The following TMCC1 variants were observed in gnomAD, a reference collection of about 807,000 sequenced individuals.
The protein encoded by TMCC1 is transmembrane and coiled-coil domain family 1.
Under a neutral mutation model 52.4 loss-of-function variants are expected in TMCC1, and 15 were observed. The ratio of observed to expected loss-of-function variants is 0.29; its 90% CI spans 0.19 to 0.44. TMCC1 has a LOEUF of 0.44. TMCC1 is among the 20% of genes least tolerant of loss of function. TMCC1 has a pLI of 1.00. For synonymous variants in TMCC1, 279 were observed against 301.9 expected (o/e 0.92, Z 0.79); for missense variants, 503 against 806.0 (o/e 0.62, Z 4.55).
chr3:129,810,730 C>A (rs564017117), intron 4 of TMCC1, among the ~76,000 whole-genome samples: 19 of 152,290 alleles, frequency 1.2e-4, no homozygotes, highest in Middle Eastern at 6.8e-3. Flanking sequence ...CTTATCAAAG[C>A]AATGTTTCAA....
intron 5 of TMCC1, among the ~76,000 whole-genome samples, chr3:129,656,954 G>A (rs971604061): frequency 1.3e-5 from 2 of 152,080 alleles, no homozygotes; most frequent in African/African-American, 4.8e-5. Context: ...ATGTCTTTTC[G>A]TGACTGTCCT....
At chr3:129,670,293 C>T (rs757417212) in intron 5 of TMCC1, 37 bp downstream of exon 5, 23 of 1,582,990 alleles carry the variant, frequency 1.5e-5, no homozygotes, top group Non-Finnish European at 1.9e-5. Flanking sequence ...GGGAACCCTA[C>T]ACAAATAATT....
At chr3:129,804,269 G>A (rs2057341772) in intron 4 of TMCC1, among the ~76,000 whole-genome samples, 2 of 152,178 alleles carry the variant, frequency 1.3e-5, no homozygotes, top group Non-Finnish European at 2.9e-5. Context: ...TAACTCGCCT[G>A]ATGGAAAATA....
intron 2 of TMCC1, among the ~76,000 whole-genome samples, chr3:129,852,962 T>C (rs1301612222): frequency 6.6e-6 from 1 of 152,198 alleles, no homozygotes; most frequent in African/African-American, 2.4e-5. Flanking sequence ...AGTATATTAT[T>C]AACCACTCCA....
chr3:129,779,440 T>C (rs1291902899), intron 4 of TMCC1, among the ~76,000 whole-genome samples: 1 of 152,200 alleles, frequency 6.6e-6, no homozygotes, highest in African/African-American at 2.4e-5. Context: ...ACTATTTCAC[T>C]AAAAATTCTT....
At chr3:129,801,956 T>C (rs72987339) in intron 4 of TMCC1, among the ~76,000 whole-genome samples, 14,828 of 152,272 alleles carry the variant, frequency 0.097, 852 homozygotes, top group Middle Eastern at 0.16. Flanking sequence ...CAAATAGTGT[T>C]ATTTAGTGTT....
chr3:129,763,215 T>TAAA (rs1241222354), intron 4 of TMCC1, among the ~76,000 whole-genome samples: 1 of 87,176 alleles, frequency 1.1e-5, no homozygotes, highest in Non-Finnish European at 2.3e-5. Context: ...AAAAAATAAA[T>TAAA]AAATAAATAA....
intron 4 of TMCC1, among the ~76,000 whole-genome samples, chr3:129,724,525 A>G (rs934189560): frequency 6.6e-6 from 1 of 152,196 alleles, no homozygotes; most frequent in African/African-American, 2.4e-5. Context: ...AATATTCTGG[A>G]AATACATTTT....
intron 6 of TMCC1, among the ~76,000 whole-genome samples, chr3:129,654,071 C>A (rs974031365): frequency 2.6e-5 from 4 of 152,148 alleles, no homozygotes; most frequent in African/African-American, 9.7e-5. Context: ...AAGGTCATAG[C>A]CTTCACTCAT....
At chr3:129,690,270 T>C (rs1346312157) in intron 4 of TMCC1, among the ~76,000 whole-genome samples, 1 of 152,202 alleles carries the variant, frequency 6.6e-6, no homozygotes, top group Non-Finnish European at 1.5e-5. Context: ...TGTATTCCCA[T>C]AGTAATATAT....
intron 4 of TMCC1, among the ~76,000 whole-genome samples, chr3:129,722,291 T>G (rs964893027): frequency 1.3e-5 from 2 of 152,148 alleles, no homozygotes; most frequent in Non-Finnish European, 2.9e-5. Flanking sequence ...TATTATGAAC[T>G]GCGCTTGCGA....
At position 129,762,926 on chromosome 3, in the gene TMCC1, C is replaced by T. The variant is rs138652971; in HGVS notation, c.576+64877G>A. ...TAAAAATACCATTATAGGCCGGGCG[C>T]GGTGGCTCACGCCTGTAATCCCAGC... is the stretch of plus-strand genomic sequence containing the variant. On this transcript the variant is annotated intron_variant, in intron 4 of 6. Coordinates refer to ENST00000393238, the MANE Select transcript of TMCC1 (RefSeq NM_001017395.5). Among the ~76,000 whole-genome samples, 1,506 of 151,174 alleles carry T rather than the reference C, an allele frequency of 1.0e-2. 26 individuals carry two copies. The highest frequency in any genetic ancestry group is 0.035 in the African/African-American group (1,436 of 41,136).
chr3:129,842,963 A>G (rs1203707809), intron 2 of TMCC1, among the ~76,000 whole-genome samples: 1 of 152,224 alleles, frequency 6.6e-6, no homozygotes, highest in Non-Finnish European at 1.5e-5. Context: ...AGGAAAATGT[A>G]TAGTCTTAAT....
chr3:129,734,904 A>G (rs1185119104), intron 4 of TMCC1, among the ~76,000 whole-genome samples: 13 of 142,102 alleles, frequency 9.1e-5, no homozygotes, highest in African/African-American at 3.4e-4. Flanking sequence ...TCTGTTCGAA[A>G]TTTTTTTTTT....
At chr3:129,881,603 T>C (rs2061464359) in intron 1 of TMCC1, among the ~76,000 whole-genome samples, 1 of 152,230 alleles carries the variant, frequency 6.6e-6, no homozygotes, top group Non-Finnish European at 1.5e-5. Context: ...GCATACCTTT[T>C]TAGCTAACAT....
intron 4 of TMCC1, among the ~76,000 whole-genome samples, chr3:129,755,972 C>A (rs367662714): frequency 1.4e-4 from 22 of 152,040 alleles, no homozygotes; most frequent in African/African-American, 4.8e-4. Context: ...GTGGTGGGCA[C>A]CTTTAATCCC....
chr3:129,867,027 A>C (rs1018820700), intron 2 of TMCC1: 1 of 152,110 alleles, frequency 6.6e-6, no homozygotes, highest in Non-Finnish European at 1.5e-5. Context: ...ACCTAACTCC[A>C]AGATTACGAC....
At chr3:129,759,294 G>C (rs371527647) in intron 4 of TMCC1, among the ~76,000 whole-genome samples, 2 of 147,382 alleles carry the variant, frequency 1.4e-5, no homozygotes. Flanking sequence ...TTGAGACAGA[G>C]CCTTGCTCTG....
chr3:129,691,606 C>A (rs2047033401), intron 4 of TMCC1, among the ~76,000 whole-genome samples: 1 of 152,082 alleles, frequency 6.6e-6, no homozygotes, highest in African/African-American at 2.4e-5. Context: ...CATAACAAGA[C>A]CCTGTCTCTA....
Sources: allele counts gnomAD v4.1 joint callset (sites outside exome capture counted in the v4.1 genomes callset), GRCh38; gene constraint gnomAD v4.1.1; transcripts MANE v1.5; gene names NCBI Gene and HGNC (gene_info 2026-07-23, HGNC 2026-07-21).